HGS: variants seen among roughly 807,000 people sequenced by gnomAD.
The protein encoded by HGS is hepatocyte growth factor-regulated tyrosine kinase substrate, also known as human growth factor-regulated tyrosine kinase substrate.
HGS carries 63 observed loss-of-function variants against 109.7 expected under a neutral mutation model. The observed-to-expected ratio is 0.57, with a 90% confidence interval of 0.47 to 0.71. The LOEUF (loss-of-function observed/expected upper bound fraction) is 0.71. Among genes scored for constraint, HGS ranks in the 30% least tolerant of loss-of-function variants. The pLI is 0.00. For synonymous variants in HGS, 546 were observed against 437.3 expected (o/e 1.25, Z -3.10); for missense variants, 995 against 1,068.3 (o/e 0.93, Z 0.96).
chr17:81,697,097 C>A (rs2144502328), intron 18 of HGS, 99 bp downstream of exon 18: 1 of 1,291,220 alleles, frequency 7.7e-7, no homozygotes. Flanking sequence ...AGGGTTTTCC[C>A]AGTTGCCCCG....
At chr17:81,697,021 A>C in intron 18 of HGS, 23 bp downstream of exon 18, 1 of 1,531,274 alleles carries the variant, frequency 6.5e-7, no homozygotes, top group Non-Finnish European at 8.8e-7. Context: ...CGGGGCAGAG[A>C]CCATGCCTTT....
rs1128805 is a variant in HGS, at chr17:81,701,634, C to A, written c.*16C>A. 6.5e-6 allele frequency: 10 copies of A among 1,544,520 alleles called. No individual in the cohort carries two copies. Among genetic ancestry groups the A allele is most frequent in the South Asian group, 5.9e-5 (5 of 84,730 alleles). On this transcript the variant is annotated 3_prime_UTR_variant, in exon 22 of 22. Coordinates refer to ENST00000329138, the MANE Select transcript of HGS (RefSeq NM_004712.5). The stretch of plus-strand genomic sequence containing the variant: ...ATTCGACTGACCCAGGCCATGCTCA[C>A]GTCCGGAGTAACACTACATACAGTT...
chr17:81,696,967 C>A lies in HGS; in HGVS notation c.1851C>A (p.Gly617=). 6.3e-7 allele frequency: 1 copy of A among 1,599,768 alleles called. No individual in the cohort carries two copies. Among genetic ancestry groups the A allele is most frequent in the South Asian group, 1.1e-5 (1 of 90,824 alleles). The change falls in exon 18 of 22, where the codon GGC becomes GGA. Residue 617 remains glycine, a synonymous_variant. Transcript: ENST00000329138. ...VYMSQPAPAA[G]PYPSMPSTAA... Reference sequence around the variant, plus strand: ...TGAGCCAGCCGGCCCCTGCCGCTGGCCCCTACCCCAGCATGCCCAGCACTG... The same window carrying A: ...TGAGCCAGCCGGCCCCTGCCGCTGGACCCTACCCCAGCATGCCCAGCACTG...
chr17:81,690,800 G>T, intron 7 of HGS, 58 bp downstream of exon 7: 1 of 1,486,672 alleles, frequency 6.7e-7, no homozygotes, highest in South Asian at 1.2e-5. Flanking sequence ...CCCCTGCCGT[G>T]CACAAGGCCA....
chr17:81,685,579 C>T (rs1447489022), intron 1 of HGS, 26 bp from the exon 2 acceptor site: 2 of 1,581,144 alleles, frequency 1.3e-6, no homozygotes, highest in Admixed American at 1.7e-5. Flanking sequence ...GATAACCCCT[C>T]CCTTTCATGG....
chr17:81,693,647 TCCTCAGCTGC>T lies in HGS; in HGVS notation c.742-4_747del. 6.5e-7 allele frequency: 1 copy of T among 1,548,400 alleles called. No individual in the cohort carries two copies. The highest frequency in any genetic ancestry group is 1.4e-5 in the African/African-American group (1 of 73,502). On this transcript the variant is annotated splice_acceptor_variant and splice_polypyrimidine_tract_variant and coding_sequence_variant and intron_variant, in exon 10 of 22. Coordinates refer to ENST00000329138, the MANE Select transcript of HGS (RefSeq NM_004712.5). LOFTEE classifies it high-confidence loss of function. ...CGCCCCCCCTCACCCTCCCCGCTTG[TCCTCAGCTGC>T]CCCCCAAGAGGGACGAGACGGCCCT... is the stretch of plus-strand genomic sequence containing the variant.
At chr17:81,688,277 G>A (rs1009643672) in intron 4 of HGS, among the ~76,000 whole-genome samples, 10 of 152,280 alleles carry the variant, frequency 6.6e-5, no homozygotes, top group Admixed American at 2.0e-4. Flanking sequence ...TGGAGCGGCT[G>A]CCCCCCGCGT....
chr17:81,684,278 G>T (rs1044464492), intron 1 of HGS, 175 bp downstream of exon 1: 61 of 500,306 alleles, frequency 1.2e-4, no homozygotes, highest in Non-Finnish European at 1.6e-4. Flanking sequence ...CGGCGCGGCC[G>T]TGGGGTCGGC....
chr17:81,684,644 G>A (rs981332905), intron 1 of HGS, among the ~76,000 whole-genome samples: 3 of 152,186 alleles, frequency 2.0e-5, no homozygotes. Context: ...TCACGTTTTT[G>A]GAGGTGAAAG....
intron 18 of HGS, among the ~76,000 whole-genome samples, chr17:81,699,864 C>G (rs2037206771): frequency 7.1e-6 from 1 of 141,506 alleles, no homozygotes; most frequent in South Asian, 2.2e-4. Flanking sequence ...CACCTGAGGT[C>G]AGGAGTTTGA....
At chr17:81,690,639 G>A (rs765246148) in intron 6 of HGS, 35 bp from the exon 7 acceptor site, 7 of 1,595,576 alleles carry the variant, frequency 4.4e-6, no homozygotes, top group East Asian at 2.2e-5. Context: ...TGGTGGGGCG[G>A]GAAGCGTGTG....
Position 81,688,967 on chromosome 17 carries a change from G to T in HGS, c.415+140G>T. 2.5e-6 allele frequency: 3 copies of T among 1,187,078 alleles called. No homozygotes were observed. In the South Asian group the frequency reaches 4.3e-5, roughly 17 times the overall value. 73.5% of individuals were successfully genotyped at this position (1,187,078 alleles called of 1,614,324 possible). On this transcript the variant is annotated intron_variant, in intron 5 of 21. Coordinates refer to ENST00000329138, the MANE Select transcript of HGS (RefSeq NM_004712.5). Reference sequence around the variant, plus strand: ...GGAGGAGGGCGGTGGCCTGGAGCCAGGGAAGACCGTGCATGTGAGGGCGGG... The same window carrying T: ...GGAGGAGGGCGGTGGCCTGGAGCCATGGAAGACCGTGCATGTGAGGGCGGG...
chr17:81,686,244 TC>T, intron 2 of HGS, 67 bp from the exon 3 acceptor site: 1 of 1,328,734 alleles, frequency 7.5e-7, no homozygotes, highest in Admixed American at 1.8e-5. Flanking sequence ...GATGAGCTTT[TC>T]TCATCTTAGT....
rs943683920 is a variant in HGS at position 81,691,340 on chromosome 17, C to T, written c.538-107C>T. The T allele has an allele frequency of 8.5e-6, 12 of 1,414,644 alleles. No individual in the cohort carries two copies. Among genetic ancestry groups the T allele is most frequent in the East Asian group, 2.3e-5 (1 of 43,598 alleles). 87.6% of individuals were successfully genotyped at this position (1,414,644 alleles called of 1,614,324 possible). A position where few individuals can be genotyped will look rare whatever the true frequency, so the allele number is the denominator to read the frequency against. On this transcript the variant is annotated intron_variant, in intron 7 of 21. Coordinates refer to ENST00000329138, the MANE Select transcript of HGS (RefSeq NM_004712.5). This position sits in a 1 kb window ranked among gnomAD's most constrained non-coding sequence, Gnocchi z 5.3. ...TTGTTCTGCTTGTCCCTTGCCTTCC[C>T]CCACCTGTGAGGCCCAGCTTCGGCA...
In HGS at chr17:81,693,568, C is replaced by A. The variant is rs144856336; in HGVS notation, c.728C>A (p.Ser243Tyr). 6.0e-4 allele frequency: 965 copies of A among 1,610,854 alleles called. No homozygotes were observed. The highest frequency in any genetic ancestry group is 6.3e-4 in the Non-Finnish European group (744 of 1,177,746). Residue 243 changes from serine (S) to tyrosine (Y), a missense_variant, in exon 9 of 22, where the codon TCT becomes TAT. By Grantham distance (144) the Ser-to-Tyr change is moderately radical. Transcript: ENST00000329138. Reference sequence around the variant, plus strand: ...CCCGAGTACCTGACCAGCCCCCTGTCTCAGCAGTCCCAGGTACTCAGCCCC... The same window carrying A: ...CCCGAGTACCTGACCAGCCCCCTGTATCAGCAGTCCCAGGTACTCAGCCCC... ...LPPEYLTSPL[S>Y]QQSQLPPKRD...
At chr17:81,696,194 T>TG (rs2037144294) in intron 15 of HGS, 163 bp from the exon 16 acceptor site, 2 of 935,570 alleles carry the variant, frequency 2.1e-6, no homozygotes, top group Non-Finnish European at 3.0e-6. Context: ...TGCCCTGCCC[T>TG]GCCCTGCCCA....
chr17:81,696,804 G>A lies in HGS; in HGVS notation c.1708-20G>A, dbSNP rs368573708. On this transcript the variant is annotated intron_variant, in intron 17 of 21. Transcript: ENST00000329138. The stretch of plus-strand genomic sequence containing the variant: ...TGTGGGCTGAGGACCAACTCTCACC[G>A]CTGTCTCTTTTGTCCCCAGCTCCAG... The A allele has an allele frequency of 2.4e-4, 381 of 1,602,804 alleles. No homozygotes were observed. The Middle Eastern group carries it at 5.5e-3, about 23-fold the overall frequency.
intron 15 of HGS, 109 bp from the exon 16 acceptor site, chr17:81,696,248 C>T: frequency 7.5e-7 from 1 of 1,339,750 alleles, no homozygotes; most frequent in South Asian, 1.5e-5. Context: ...CCTTCAGAGC[C>T]CTCTGCAGAA....
chr17:81,700,993 G>C (rs1027685141), intron 20 of HGS, 52 bp from the exon 21 acceptor site: 1 of 1,566,720 alleles, frequency 6.4e-7, no homozygotes, highest in South Asian at 1.1e-5. Flanking sequence ...AAACATCCCC[G>C]CCTGCCTGGT....
Sources: allele counts gnomAD v4.1 joint callset (sites outside exome capture counted in the v4.1 genomes callset), GRCh38; gene constraint gnomAD v4.1.1; non-coding constraint Gnocchi (gnomAD v3.1); transcripts MANE v1.5; gene names NCBI Gene and HGNC (gene_info 2026-07-23, HGNC 2026-07-21).